KLHL1: variants seen among roughly 807,000 people sequenced by gnomAD.
KLHL1 encodes the protein kelch like family member 1.
In KLHL1, 47 loss-of-function variants were observed where a neutral mutation model predicts 77.7. The observed-to-expected ratio is 0.60, with a 90% CI of 0.48 to 0.77. The LOEUF (loss-of-function observed/expected upper bound fraction) is 0.77. Ranked by LOEUF, KLHL1 falls within the 30% of genes least tolerant of loss-of-function variation. The probability of loss-of-function intolerance (pLI) is 0.00; values close to 1 mark genes in which losing one functional copy is unlikely to be tolerated. For synonymous variants in KLHL1, 360 were observed against 325.2 expected, an observed-to-expected ratio of 1.11 and a Z score of -1.15; for missense variants, 925 against 910.8, an observed-to-expected ratio of 1.02 and a Z score of -0.20.
At position 70,108,048 on chromosome 13, in the gene KLHL1, C is replaced by T. The variant is rs768312355; in HGVS notation, c.-349G>A. 4.7e-6 allele frequency: 2 copies of T among 421,216 alleles called. No individual in the cohort carries two copies. Among genetic ancestry groups the T allele is most frequent in the Non-Finnish European group, 8.4e-6 (2 of 239,036 alleles). The allele number at this position is 421,216 out of a possible 1,614,324, so 26.1% of individuals were successfully genotyped here. A position where few individuals can be genotyped will look rare whatever the true frequency, so the allele number is the denominator to read the frequency against. Reference sequence around the variant, plus strand: ...GGACAACCCTTAGGCTGGAGATGCGCGAGGGAGGGAGGTCTGAGCGCTCCG... The same window carrying T: ...GGACAACCCTTAGGCTGGAGATGCGTGAGGGAGGGAGGTCTGAGCGCTCCG... On this transcript the variant is annotated 5_prime_UTR_variant, in exon 1 of 11. Transcript: ENST00000377844.
chr13:69,989,113 A>G (rs1385843014), intron 1 of KLHL1, among the ~76,000 whole-genome samples: 1 of 152,064 alleles, frequency 6.6e-6, no homozygotes, highest in Non-Finnish European at 1.5e-5. Flanking sequence ...TAAGTCTATA[A>G]TCTGTCTTGA....
chr13:69,835,587 C>G (rs1164792787), intron 6 of KLHL1, among the ~76,000 whole-genome samples: 1 of 152,062 alleles, frequency 6.6e-6, no homozygotes, highest in Non-Finnish European at 1.5e-5. Flanking sequence ...TGGGTTGAAG[C>G]AGATTCAGGC....
At chr13:69,841,360 T>G (rs1879256098) in intron 5 of KLHL1, among the ~76,000 whole-genome samples, 1 of 151,788 alleles carries the variant, frequency 6.6e-6, no homozygotes, top group Non-Finnish European at 1.5e-5. Context: ...TAAATAAAGT[T>G]GCAGGACATG....
rs1172298171 is a variant in KLHL1, at chr13:69,828,644, G to A, written c.1414+10332C>T. Among the ~76,000 whole-genome samples the A allele has an allele frequency of 1.3e-5, 2 of 150,178 alleles. 1 individual carries two copies. The highest frequency in any genetic ancestry group is 5.0e-5 in the African/African-American group (2 of 40,010). ...ACCTTGCTTACTTTCTCAGCAGGGA[G>A]GTTTGCAGCCTGGGGCAAGATCTCA... On this transcript the variant is annotated intron_variant, in intron 6 of 10. Transcript: ENST00000377844.
At chr13:69,765,094 G>A (rs144744758) in intron 7 of KLHL1, among the ~76,000 whole-genome samples, 1 of 151,438 alleles carries the variant, frequency 6.6e-6, no homozygotes, top group African/African-American at 2.4e-5. Flanking sequence ...TGGGATTGTA[G>A]GCATGTGCCA....
intron 6 of KLHL1, among the ~76,000 whole-genome samples, chr13:69,821,329 T>G (rs1878327410): frequency 6.6e-6 from 1 of 152,152 alleles, no homozygotes; most frequent in South Asian, 2.1e-4. Context: ...TTTTTTCTTT[T>G]TTTGAGATAG....
At chr13:69,985,256 G>A (rs1316625189) in intron 1 of KLHL1, among the ~76,000 whole-genome samples, 1 of 151,972 alleles carries the variant, frequency 6.6e-6, no homozygotes, top group Non-Finnish European at 1.5e-5. Flanking sequence ...GAATATATAA[G>A]AAACTCAAAC....
chr13:69,880,924 T>C (rs1227464445), intron 5 of KLHL1, among the ~76,000 whole-genome samples: 1 of 152,126 alleles, frequency 6.6e-6, no homozygotes, highest in Non-Finnish European at 1.5e-5. Flanking sequence ...CTGATAACTA[T>C]CATTGGCTTT....
At chr13:70,047,219 T>C (rs1886522771) in intron 1 of KLHL1, among the ~76,000 whole-genome samples, 1 of 151,268 alleles carries the variant, frequency 6.6e-6, no homozygotes, top group Non-Finnish European at 1.5e-5. Context: ...ATAAGAAAAC[T>C]TATAAAACTT....
In KLHL1 at chr13:69,785,984, A is replaced by G. The variant is rs186358119; in HGVS notation, c.1639+10754T>C. Reference sequence around the variant, plus strand: ...AGAAGTTGACTCTCTGAATAGACCAATAACAGGCTCTGAAATTGTGGCAAT... The same window carrying G: ...AGAAGTTGACTCTCTGAATAGACCAGTAACAGGCTCTGAAATTGTGGCAAT... On this transcript the variant is annotated intron_variant, in intron 7 of 10. Coordinates refer to ENST00000377844, the MANE Select transcript of KLHL1 (RefSeq NM_020866.3). 5.6e-3 allele frequency among the ~76,000 whole-genome samples: 859 copies of G among 152,280 alleles called. 4 individuals are homozygous for G. Among genetic ancestry groups the G allele is most frequent in the African/African-American group, 0.019 (792 of 41,538 alleles).
chr13:69,873,980 A>C (rs1049049173), intron 5 of KLHL1, among the ~76,000 whole-genome samples: 1 of 152,158 alleles, frequency 6.6e-6, no homozygotes, highest in African/African-American at 2.4e-5. Flanking sequence ...ATTTAAGCTG[A>C]AACGTGATTA....
At chr13:69,908,507 C>T (rs1008839620) in intron 4 of KLHL1, among the ~76,000 whole-genome samples, 1 of 146,336 alleles carries the variant, frequency 6.8e-6, no homozygotes, top group Admixed American at 7.1e-5. Context: ...TTATTTACTG[C>T]CTAAATCTAG....
At chr13:69,807,697 G>C (rs760970618) in intron 6 of KLHL1, among the ~76,000 whole-genome samples, 1 of 152,166 alleles carries the variant, frequency 6.6e-6, no homozygotes, top group Non-Finnish European at 1.5e-5. Context: ...CTCTGGAATG[G>C]GGAGAAGGAC....
intron 6 of KLHL1, among the ~76,000 whole-genome samples, chr13:69,819,821 T>A (rs1484294976): frequency 6.6e-6 from 1 of 151,984 alleles, no homozygotes; most frequent in Non-Finnish European, 1.5e-5. Context: ...ATAATAAAAT[T>A]TTATTATTAT....
chr13:69,884,366 C>A, intron 4 of KLHL1, among the ~76,000 whole-genome samples: 1 of 142,742 alleles, frequency 7.0e-6, no homozygotes, highest in Non-Finnish European at 1.5e-5. Flanking sequence ...TATAGATGCC[C>A]ATAACTGTTC....
chr13:70,108,195 A>G lies in KLHL1; in HGVS notation c.-496T>C. The G allele has an allele frequency of 2.5e-6, 1 of 396,496 alleles. No homozygotes were observed. Among genetic ancestry groups the G allele is most frequent in the Non-Finnish European group, 4.4e-6 (1 of 225,532 alleles). 24.6% of individuals were successfully genotyped at this position (396,496 alleles called of 1,614,324 possible). On this transcript the variant is annotated 5_prime_UTR_variant, in exon 1 of 11. Coordinates refer to ENST00000377844, the MANE Select transcript of KLHL1 (RefSeq NM_020866.3). The stretch of plus-strand genomic sequence containing the variant: ...TCAGAGTTCAGTGTCTGGAGAGCGC[A>G]GAGAGAAAGAGCCCCAAGTCTCGAG...
In KLHL1 at chr13:69,981,790, AAT is replaced by A. The variant is rs530677238; in HGVS notation, c.498-5990_498-5989del. Reference sequence around the variant, plus strand: ...AATTCAAAGTTCAAAAAGTGCCCAAAATAAAAAAAAATCTAAAAAAATTCTAA... The same window carrying A: ...AATTCAAAGTTCAAAAAGTGCCCAAAAAAAAAAAATCTAAAAAAATTCTAA... On this transcript the variant is annotated intron_variant, in intron 1 of 10. Transcript: ENST00000377844. Among the ~76,000 whole-genome samples the A allele has an allele frequency of 6.3e-3, 961 of 151,878 alleles. 9 individuals are homozygous for A. Among genetic ancestry groups the A allele is most frequent in the African/African-American group, 0.022 (900 of 41,266 alleles).
In KLHL1 at chr13:70,087,722, A is replaced by T. The variant is rs950800869; in HGVS notation, c.497+19481T>A. Among the ~76,000 whole-genome samples, 4 of 152,248 alleles carry T rather than the reference A, an allele frequency of 2.6e-5. No individual in the cohort carries two copies. In the East Asian group the frequency reaches 7.7e-4, roughly 29 times the overall value. On this transcript the variant is annotated intron_variant, in intron 1 of 10. Transcript: ENST00000377844. The stretch of plus-strand genomic sequence containing the variant: ...AAAACAACCAGAGCTTTTGGAAACA[A>T]GGCCTTCTGATGGAGTAATAAAATA...
At chr13:69,720,830 G>A (rs1448342789) in intron 8 of KLHL1, among the ~76,000 whole-genome samples, 4 of 150,460 alleles carry the variant, frequency 2.7e-5, no homozygotes, top group Admixed American at 1.3e-4. Flanking sequence ...GGTTCAAGGT[G>A]AATGGCAGCT....
Sources: gnomAD v4.1 joint callset for allele counts (sites outside exome capture counted in the v4.1 genomes callset) on GRCh38, gnomAD v4.1.1 for gene constraint, MANE v1.5 for transcripts, NCBI Gene and HGNC (gene_info 2026-07-23, HGNC 2026-07-21) for gene names.